ZNF841: variants seen among roughly 807,000 people sequenced by gnomAD.
ZNF841 encodes zinc finger protein 841, also known as TCONS_00006091.
In ZNF841, 11 loss-of-function variants were observed where a neutral mutation model predicts 13.0. The observed-to-expected ratio is 0.85, with a 90% CI of 0.53 to 1.40. ZNF841 has a LOEUF of 1.40. Ranked by LOEUF, ZNF841 falls within the 40% of genes most tolerant of loss-of-function variation. ZNF841 has a pLI of 0.00. For synonymous variants in ZNF841, 369 were observed against 381.6 expected (o/e 0.97, Z 0.38); for missense variants, 1,068 against 1,139.5 (o/e 0.94, Z 0.90).
At position 52,066,801 on chromosome 19, in the gene ZNF841, C is replaced by T. The variant is rs531159795; in HGVS notation, c.1081G>A (p.Ala361Thr). The stretch of plus-strand genomic sequence containing the variant: ...CCAGTATGAATTCTCTGATGAACTG[C>T]AAGGTGGGAACTTTTACTAAAGGAC... ...GKSFSKSSHLAVHQRIHTGEK... is the reference protein window; with the variant it reads ...GKSFSKSSHLTVHQRIHTGEK... Residue 361 changes from alanine to threonine, a missense_variant, in exon 7 of 7, where the codon GCA becomes ACA. By Grantham distance (58) the Ala-to-Thr change is moderately conservative. Transcript: ENST00000594440. The T allele has an allele frequency of 1.9e-6, 3 of 1,614,028 alleles. No homozygotes were observed. The highest frequency in any genetic ancestry group is 4.5e-5 in the East Asian group (2 of 44,878).
chr19:52,059,390 T>TATATACACACACAC, the ZNF841 span, among the ~76,000 whole-genome samples: 2 of 96,356 alleles, frequency 2.1e-5, no homozygotes, highest in African/African-American at 8.3e-5. Flanking sequence ...TATATATATA[T>TATATACACACACAC]ACACACACAC....
Position 52,066,294 on chromosome 19 carries a change from C to A in ZNF841, c.1588G>T (p.Val530Leu). The change falls in exon 7 of 7, where the codon GTA becomes TTA. Residue 530 changes from valine to leucine, a missense_variant. By Grantham distance (32) the Val-to-Leu change is conservative. Coordinates refer to ENST00000594440, the MANE Select transcript of ZNF841 (RefSeq NM_001136499.2). ...KAFNWGSLLTVHQRIHTGEKP... is the reference protein window; with the variant it reads ...KAFNWGSLLTLHQRIHTGEKP... ...TCTCCGGTATGAATTCTCTGATGTA[C>A]AGTTAGTAATGAGCCCCAATTAAAG... is the stretch of plus-strand genomic sequence containing the variant. 2 of 1,613,546 alleles carry A rather than the reference C, an allele frequency of 1.2e-6. No homozygotes were observed. The highest frequency in any genetic ancestry group is 1.7e-6 in the Non-Finnish European group (2 of 1,179,770).
In ZNF841 at chr19:52,065,993, C is replaced by T. The variant is rs1032417462; in HGVS notation, c.1889G>A (p.Cys630Tyr). 6.2e-7 allele frequency: 1 copy of T among 1,614,142 alleles called. No individual in the cohort carries two copies. Among genetic ancestry groups the T allele is most frequent in the Non-Finnish European group, 8.5e-7 (1 of 1,179,994 alleles). Residue 630 changes from cysteine (C) to tyrosine (Y), a missense_variant, in exon 7 of 7, where the codon TGC (cysteine) becomes TAC (tyrosine). Physicochemically the swap from Cys to Tyr is radical, Grantham distance 194 (BLOSUM62 -2). Coordinates refer to ENST00000594440, the MANE Select transcript of ZNF841 (RefSeq NM_001136499.2). The stretch of plus-strand genomic sequence containing the variant: ...TGAGTAGTAACTGAAGACCTTGCCG[C>T]ATTCGTTACACTGGAAAGGTTTCTC... ...TGEKPFQCNE[C>Y]GKVFSYYSCL...
At chr19:52,089,782 C>T (rs1316829771) in intron 2 of ZNF841, among the ~76,000 whole-genome samples, 1 of 152,176 alleles carries the variant, frequency 6.6e-6, no homozygotes, top group Non-Finnish European at 1.5e-5. Flanking sequence ...GACAGGTGCA[C>T]ACACCATACC....
chr19:52,090,654 G>GGAAGGAAGGAAGGAAGGAAAGAAA (rs1183196348), intron 2 of ZNF841, among the ~76,000 whole-genome samples: 7 of 84,642 alleles, frequency 8.3e-5, no homozygotes, highest in African/African-American at 4.2e-4. Flanking sequence ...AAGGAAGGAA[G>GGAAGGAAGGAAGGAAGGAAAGAAA]GAAAGAAAGA....
intron 6 of ZNF841, among the ~76,000 whole-genome samples, chr19:52,073,946 A>T: frequency 6.6e-6 from 1 of 152,242 alleles, no homozygotes; most frequent in East Asian, 1.9e-4. Flanking sequence ...GTATTTCCAC[A>T]ATTAAGATAG....
rs1216726262 is a variant in ZNF841 at position 52,064,865 on chromosome 19, C to G, written c.*242G>C. Reference sequence around the variant, plus strand: ...GCCAGGCTGCTCTTGAACTCCTGACCTCAAGTGATCCGCCCACCTCAGCCT... The same window carrying G: ...GCCAGGCTGCTCTTGAACTCCTGACGTCAAGTGATCCGCCCACCTCAGCCT... On this transcript the variant is annotated 3_prime_UTR_variant, in exon 7 of 7. Transcript: ENST00000594440. The G allele has an allele frequency of 6.8e-6, 2 of 294,268 alleles. No individual in the cohort carries two copies. The highest frequency in any genetic ancestry group is 1.2e-4 in the South Asian group (1 of 8,106). 18.2% of individuals were successfully genotyped at this position (294,268 alleles called of 1,614,324 possible).
intron 3 of ZNF841, among the ~76,000 whole-genome samples, chr19:52,088,064 A>T (rs1446548858): frequency 2.7e-5 from 4 of 149,688 alleles, no homozygotes; most frequent in African/African-American, 9.9e-5. Flanking sequence ...AAACAAAGGT[A>T]GCCCCCCTAA....
chr19:52,083,619 T>C (rs1646772357), intron 4 of ZNF841, among the ~76,000 whole-genome samples: 2 of 152,112 alleles, frequency 1.3e-5, no homozygotes, highest in Admixed American at 6.5e-5. Flanking sequence ...TATTTCATGT[T>C]CTGTAGTTAA....
chr19:52,078,698 C>T (rs1009193730), intron 4 of ZNF841, among the ~76,000 whole-genome samples: 5 of 115,600 alleles, frequency 4.3e-5, no homozygotes, highest in African/African-American at 2.1e-4. Flanking sequence ...GACTCCATCT[C>T]GGAAAAAAAA....
chr19:52,088,607 C>A (rs940049419), intron 3 of ZNF841, among the ~76,000 whole-genome samples: 1 of 152,144 alleles, frequency 6.6e-6, no homozygotes, highest in Non-Finnish European at 1.5e-5. Context: ...ATCATAACTG[C>A]ATTAATGAAC....
chr19:52,067,882 A>C (rs2087632748), intron 6 of ZNF841, among the ~76,000 whole-genome samples: 1 of 152,154 alleles, frequency 6.6e-6, no homozygotes, highest in Admixed American at 6.5e-5. Flanking sequence ...ATGAGCACCA[A>C]AACAAGTATT....
intron 1 of ZNF841, among the ~76,000 whole-genome samples, chr19:52,094,638 C>G (rs1159115113): frequency 6.6e-6 from 1 of 151,940 alleles, no homozygotes; most frequent in African/African-American, 2.4e-5. Flanking sequence ...CTCTCTAGCA[C>G]CCCCAATTTC....
At chr19:52,084,996 A>C in intron 3 of ZNF841, 118 bp from the exon 4 acceptor site, 1 of 590,920 alleles carries the variant, frequency 1.7e-6, no homozygotes, top group South Asian at 2.2e-5. Context: ...CACCAGGGGG[A>C]TGCAAGCATA....
At position 52,065,424 on chromosome 19, in the gene ZNF841, G is replaced by T; in HGVS notation, c.2458C>A (p.Pro820Thr). ...NHQMMHTGEK[P>T]YKCNECGKAF... is the part of the protein sequence containing the mutation. Reference sequence around the variant, plus strand: ...TTACCACATTCATTACATTTATAAGGTTTCTCTCCAGTATGCATCATCTGA... The same window carrying T: ...TTACCACATTCATTACATTTATAAGTTTTCTCTCCAGTATGCATCATCTGA... Residue 820 changes from proline to threonine, a missense_variant, in exon 7 of 7, where the codon CCT becomes ACT. Coordinates refer to ENST00000594440, the MANE Select transcript of ZNF841 (RefSeq NM_001136499.2). The T allele has an allele frequency of 6.2e-7, 1 of 1,613,492 alleles. No individual in the cohort carries two copies. Among genetic ancestry groups the T allele is most frequent in the East Asian group, 2.2e-5 (1 of 44,854 alleles).
In ZNF841 at chr19:52,076,114, C is replaced by T. The variant is rs2087891770; in HGVS notation, c.201G>A (p.Trp67Ter). 6.4e-7 allele frequency: 1 copy of T among 1,556,972 alleles called. No homozygotes were observed. The highest frequency in any genetic ancestry group is 1.2e-5 in the South Asian group (1 of 84,440). ...CTATTTTCACTTGGCTCACCACAGT[C>T]CAGGGCTCTTTCCCTTGCTCCAACA... ...ISMLEQGKEP[W>*]TVVSQVKIAR... is the part of the protein sequence containing the mutation. Residue 67 changes from tryptophan to a stop codon, truncating the protein, a stop_gained, in exon 6 of 7, where the codon TGG (tryptophan) becomes TGA (stop). Transcript: ENST00000594440. LOFTEE classifies it high-confidence loss of function.
At chr19:52,064,432 T>C (rs1208253152), downstream of ZNF841, 2 of 147,100 alleles carry the variant, frequency 1.4e-5, no homozygotes, top group Non-Finnish European at 1.5e-5. Flanking sequence ...TAGGCCATAA[T>C]TGCATGGCTA....
chr19:52,062,870 A>AT (rs1416018678), downstream of ZNF841, among the ~76,000 whole-genome samples: 8 of 141,318 alleles, frequency 5.7e-5, no homozygotes, highest in African/African-American at 2.1e-4. Flanking sequence ...TCTGTTGAGA[A>AT]ATTTTTTTTT....
chr19:52,095,336 G>A (rs554145111), intron 1 of ZNF841, among the ~76,000 whole-genome samples: 7 of 152,154 alleles, frequency 4.6e-5, no homozygotes, highest in East Asian at 1.9e-4. Flanking sequence ...GCTCCTTCAG[G>A]AGCCGGACAG....
Sources: allele counts gnomAD v4.1 joint callset (sites outside exome capture counted in the v4.1 genomes callset), GRCh38; gene constraint gnomAD v4.1.1; transcripts MANE v1.5; gene names NCBI Gene and HGNC (gene_info 2026-07-23, HGNC 2026-07-21).